Variants in LSAMP observed in about 807,000 individuals in gnomAD.
The protein encoded by LSAMP is limbic system associated membrane protein, also known as limbic system-associated membrane protein.
In LSAMP, 7 loss-of-function variants were observed where a neutral mutation model predicts 38.6. The ratio of observed to expected loss-of-function variants is 0.18; its 90% confidence interval spans 0.10 to 0.34. The LOEUF (loss-of-function observed/expected upper bound fraction) is 0.34, where lower values mean the gene tolerates loss of function less well. Among genes scored for constraint, LSAMP ranks in the 10% least tolerant of loss-of-function variants. The pLI, the probability that LSAMP is intolerant of heterozygous loss-of-function variation, is 1.00. For synonymous variants in LSAMP, 154 were observed against 166.8 expected (o/e 0.92, Z 0.59); for missense variants, 313 against 420.0 (o/e 0.75, Z 2.23).
intron 1 of LSAMP, among the ~76,000 whole-genome samples, chr3:116,313,517 G>T (rs2047586107): frequency 6.6e-6 from 1 of 152,174 alleles, no homozygotes; most frequent in South Asian, 2.1e-4. Context: ...TCTTATTCAA[G>T]TGAGGGCAAG....
chr3:116,379,354 C>T (rs765298036), intron 1 of LSAMP, among the ~76,000 whole-genome samples: 2 of 151,900 alleles, frequency 1.3e-5, no homozygotes, highest in African/African-American at 4.8e-5. Flanking sequence ...AGAAGAATCA[C>T]GACTCTTAGA....
chr3:116,310,911 G>GTTTTTT (rs1559823502), intron 1 of LSAMP, among the ~76,000 whole-genome samples: 1 of 51,654 alleles, frequency 1.9e-5, no homozygotes. Flanking sequence ...ATGATGATAA[G>GTTTTTT]TTGTTTTTTT....
chr3:116,281,622 T>C (rs1373703926), intron 1 of LSAMP, among the ~76,000 whole-genome samples: 1 of 152,144 alleles, frequency 6.6e-6, no homozygotes, highest in Middle Eastern at 3.2e-3. Flanking sequence ...GATACACAAA[T>C]AATAAAATGC....
chr3:116,226,679 T>C (rs2046345544), intron 1 of LSAMP, among the ~76,000 whole-genome samples: 1 of 152,260 alleles, frequency 6.6e-6, no homozygotes, highest in African/African-American at 2.4e-5. Flanking sequence ...TATTGTTCTC[T>C]CTTTGTTGTA....
intron 1 of LSAMP, among the ~76,000 whole-genome samples, chr3:116,159,630 A>T (rs1709834507): frequency 6.6e-6 from 1 of 152,218 alleles, no homozygotes; most frequent in Non-Finnish European, 1.5e-5. Flanking sequence ...AAGAAAAGGG[A>T]ACAATTATAT....
intron 1 of LSAMP, among the ~76,000 whole-genome samples, chr3:116,182,654 G>A (rs1193861930): frequency 2.0e-5 from 3 of 151,642 alleles, no homozygotes; most frequent in Non-Finnish European, 4.4e-5. Flanking sequence ...AAACAGAATG[G>A]AGAAAAGGCA....
intron 1 of LSAMP, among the ~76,000 whole-genome samples, chr3:116,232,864 A>T (rs2046419303): frequency 2.0e-5 from 3 of 151,606 alleles, no homozygotes; most frequent in Non-Finnish European, 1.5e-5. Context: ...CAGCTGATGA[A>T]CTACTCAAAC....
chr3:116,298,497 G>A (rs12489444), intron 1 of LSAMP, among the ~76,000 whole-genome samples: 20,021 of 152,038 alleles, frequency 0.13, 1,507 homozygotes, highest in Admixed American at 0.18. Flanking sequence ...GGGAGGAGGA[G>A]GAGAAAGCAC....
At chr3:116,079,460 T>G (rs753187052) in intron 2 of LSAMP, among the ~76,000 whole-genome samples, 1 of 152,084 alleles carries the variant, frequency 6.6e-6, no homozygotes, top group Non-Finnish European at 1.5e-5. Flanking sequence ...AGTTGGTCAC[T>G]GGCAAACATA....
chr3:115,820,803 A>C (rs1203845675), intron 6 of LSAMP, among the ~76,000 whole-genome samples: 1 of 152,202 alleles, frequency 6.6e-6, no homozygotes, highest in East Asian at 1.9e-4. Context: ...ACCCTAGATA[A>C]GATTCTAGAG....
rs149950238 is a variant in LSAMP at position 116,313,401 on chromosome 3, G to A, written c.155+131476C>T. ...ACCCAGCAAGGCCACATGGGACCCC[G>A]TATGGATGTGATGGCCCCTTGCCAT... is the stretch of plus-strand genomic sequence containing the variant. On this transcript the variant is annotated intron_variant, in intron 1 of 6. Coordinates refer to ENST00000490035, the MANE Select transcript of LSAMP (RefSeq NM_002338.5). Among the ~76,000 whole-genome samples the A allele has an allele frequency of 1.1e-4, 16 of 152,290 alleles. No individual in the cohort carries two copies. In the East Asian group the frequency reaches 2.3e-3, roughly 22 times the overall value.
At chr3:116,383,034 A>G (rs2048581665) in intron 1 of LSAMP, among the ~76,000 whole-genome samples, 2 of 152,098 alleles carry the variant, frequency 1.3e-5, no homozygotes, top group South Asian at 2.1e-4. Flanking sequence ...CTATCTCACT[A>G]GGATGTTGTA....
intron 3 of LSAMP, 85 bp from the exon 4 acceptor site, chr3:115,852,702 A>G: frequency 7.9e-7 from 1 of 1,272,672 alleles, no homozygotes; most frequent in Non-Finnish European, 1.1e-6. Context: ...AAAGCCATAA[A>G]TCCACATTTC....
chr3:115,840,207 T>C (rs906368639), intron 6 of LSAMP, among the ~76,000 whole-genome samples: 12 of 152,224 alleles, frequency 7.9e-5, no homozygotes, highest in African/African-American at 2.9e-4. Flanking sequence ...TTGCTTTCTG[T>C]AACTCATCCA....
At chr3:115,999,207 G>C (rs1040872234) in intron 3 of LSAMP, among the ~76,000 whole-genome samples, 22 of 152,148 alleles carry the variant, frequency 1.4e-4, no homozygotes, top group Admixed American at 1.2e-3. Context: ...TCAGTGACAG[G>C]AATCTTCCGA....
At chr3:116,259,999 T>C (rs2046804092) in intron 1 of LSAMP, among the ~76,000 whole-genome samples, 1 of 152,166 alleles carries the variant, frequency 6.6e-6, no homozygotes, top group East Asian at 1.9e-4. Context: ...TCTACAGTCT[T>C]TCTTCTCAAT....
intron 1 of LSAMP, among the ~76,000 whole-genome samples, chr3:116,098,752 G>A (rs1559741646): frequency 1.3e-5 from 2 of 152,008 alleles, no homozygotes; most frequent in Admixed American, 6.6e-5. Flanking sequence ...TCTCACCAAA[G>A]CATTTTTTTT....
intron 1 of LSAMP, among the ~76,000 whole-genome samples, chr3:116,354,843 A>ATG (rs776649270): frequency 0.021 from 2,185 of 104,298 alleles, 28 homozygotes; most frequent in Middle Eastern, 0.067. Context: ...CTGGGTGTAT[A>ATG]TATGTGTGTG....
chr3:116,131,648 C>A lies in LSAMP; in HGVS notation c.156-45092G>T, dbSNP rs577843114. Among the ~76,000 whole-genome samples the A allele has an allele frequency of 1.2e-4, 18 of 152,136 alleles. No individual in the cohort carries two copies. The East Asian group carries it at 3.3e-3, about 28-fold the overall frequency. On this transcript the variant is annotated intron_variant, in intron 1 of 6. Coordinates refer to ENST00000490035, the MANE Select transcript of LSAMP (RefSeq NM_002338.5). ...AGTGGTCATCCTACATTTGCAGATA[C>A]CCCTCCATTTTTTCTTTTCACTTAC...
Sources: gnomAD v4.1 joint callset for allele counts (sites outside exome capture counted in the v4.1 genomes callset) on GRCh38, gnomAD v4.1.1 for gene constraint, MANE v1.5 for transcripts, NCBI Gene and HGNC (gene_info 2026-07-23, HGNC 2026-07-21) for gene names.